GRIK4: variants seen among roughly 807,000 people sequenced by gnomAD.
GRIK4 encodes glutamate receptor ionotropic, kainate 4.
A neutral mutation model predicts 104.9 loss-of-function variants in GRIK4; 40 were observed. That is an observed-to-expected ratio of 0.38 (90% confidence interval 0.30 to 0.50). The LOEUF is 0.50. GRIK4 is among the 20% of genes least tolerant of loss of function. The pLI is 0.93. For synonymous variants in GRIK4, 485 were observed against 524.9 expected (o/e 0.92, Z 1.04); for missense variants, 1,047 against 1,308.1 (o/e 0.80, Z 3.08).
chr11:120,542,543 G>T (rs1053420342), intron 1 of GRIK4, among the ~76,000 whole-genome samples: 10 of 152,134 alleles, frequency 6.6e-5, no homozygotes, highest in African/African-American at 2.4e-4. Flanking sequence ...GAAAATATTT[G>T]CAAGCCATAT....
In GRIK4 at chr11:120,733,736, C is replaced by CT. The variant is rs1162073446; in HGVS notation, c.83-68938dup. On this transcript the variant is annotated intron_variant, in intron 3 of 20. Transcript: ENST00000527524. ...TTGGTTCATTGTTTAGTCTTTCTCC[C>CT]TTTTTTTTTTTTTTTTTTTGAGATG... Among the ~76,000 whole-genome samples, 656 of 145,032 alleles carry CT rather than the reference C, an allele frequency of 4.5e-3. 19 individuals carry two copies. The East Asian group carries it at 0.067, about 15-fold the overall frequency.
chr11:120,546,214 G>A (rs2252494), intron 1 of GRIK4, among the ~76,000 whole-genome samples: 44,463 of 152,052 alleles, frequency 0.29, 6,740 homozygotes, highest in Admixed American at 0.42. Flanking sequence ...CCCTTGCAGC[G>A]TTGGTGCTGC....
chr11:120,710,233 G>A (rs1422330161), intron 3 of GRIK4, among the ~76,000 whole-genome samples: 1 of 152,178 alleles, frequency 6.6e-6, no homozygotes, highest in East Asian at 1.9e-4. Context: ...GTACAGTAAG[G>A]AGATTGAACT....
intron 1 of GRIK4, among the ~76,000 whole-genome samples, chr11:120,598,008 G>C (rs1948828081): frequency 6.6e-6 from 1 of 152,172 alleles, no homozygotes; most frequent in South Asian, 2.1e-4. Context: ...TCCTCAGAGA[G>C]ATTAAAAACT....
At chr11:120,943,206 G>A (rs549376235) in intron 14 of GRIK4, among the ~76,000 whole-genome samples, 6 of 150,124 alleles carry the variant, frequency 4.0e-5, no homozygotes, top group South Asian at 2.1e-4. Flanking sequence ...ACACTGAAGC[G>A]CCAGGATGCC....
intron 8 of GRIK4, among the ~76,000 whole-genome samples, chr11:120,857,673 G>A (rs1291772294): frequency 6.6e-6 from 1 of 152,204 alleles, no homozygotes; most frequent in African/African-American, 2.4e-5. Flanking sequence ...CCTTCTGGAG[G>A]TGTGACAGGG....
chr11:120,711,004 G>GT (rs1555046793), intron 3 of GRIK4, among the ~76,000 whole-genome samples: 24 of 149,934 alleles, frequency 1.6e-4, no homozygotes, highest in African/African-American at 5.5e-4. Flanking sequence ...AGGTGGGGAG[G>GT]GGGTGTGAGC....
At chr11:120,839,946 A>G (rs530925186) in intron 8 of GRIK4, among the ~76,000 whole-genome samples, 3 of 152,350 alleles carry the variant, frequency 2.0e-5, no homozygotes, top group African/African-American at 7.2e-5. Context: ...TCTCTCTGTC[A>G]GGGTCCAGTC....
intron 3 of GRIK4, among the ~76,000 whole-genome samples, chr11:120,684,004 T>C (rs536241657): frequency 6.6e-6 from 1 of 152,186 alleles, no homozygotes; most frequent in Non-Finnish European, 1.5e-5. Context: ...CTGGCAAGAC[T>C]TTTTTTGTTT....
intron 4 of GRIK4, among the ~76,000 whole-genome samples, chr11:120,810,326 A>G (rs762687343): frequency 2.0e-5 from 3 of 152,216 alleles, no homozygotes; most frequent in Non-Finnish European, 4.4e-5. Context: ...TTCAGGAGAA[A>G]CTTTCCTTTC....
intron 3 of GRIK4, among the ~76,000 whole-genome samples, chr11:120,734,924 A>G (rs923844121): frequency 1.3e-5 from 2 of 152,158 alleles, no homozygotes; most frequent in African/African-American, 4.8e-5. Context: ...ATTCTTTTTA[A>G]TTATTTCAAT....
chr11:120,712,268 G>A (rs141522299), intron 3 of GRIK4, among the ~76,000 whole-genome samples: 105 of 152,302 alleles, frequency 6.9e-4, no homozygotes, highest in African/African-American at 2.5e-3. Flanking sequence ...GTGTGCTGGG[G>A]CGAGGGTTGG....
Position 120,902,218 on chromosome 11 carries a change from C to G in GRIK4, c.1273-3072C>G, listed in dbSNP as rs1164390703. 1.3e-5 allele frequency among the ~76,000 whole-genome samples: 2 copies of G among 152,108 alleles called. No individual in the cohort carries two copies. The highest frequency in any genetic ancestry group is 4.8e-5 in the African/African-American group (2 of 41,406). ...GCAAACATGGAATTGGCTGCCGCTC[C>G]CATTCCCTGAACACCTTTTCTGTAT... On this transcript the variant is annotated intron_variant, in intron 12 of 20. Transcript: ENST00000527524. This position sits in a 1 kb window ranked among gnomAD's most constrained non-coding sequence, Gnocchi z 4.5.
chr11:120,985,641 AAG>A (rs1491333949), intron 20 of GRIK4, among the ~76,000 whole-genome samples: 31,426 of 149,938 alleles, frequency 0.21, 3,146 homozygotes, highest in East Asian at 0.26. Context: ...AAAAAAAAAA[AAG>A]TGAGATCATT....
chr11:120,880,918 T>C (rs867767648), intron 11 of GRIK4, among the ~76,000 whole-genome samples: 2 of 152,222 alleles, frequency 1.3e-5, no homozygotes, highest in African/African-American at 4.8e-5. Context: ...GAATGTAAGA[T>C]TCATGAATCA....
chr11:120,759,971 C>T (rs1951718677), intron 3 of GRIK4, among the ~76,000 whole-genome samples: 1 of 152,004 alleles, frequency 6.6e-6, no homozygotes, highest in Non-Finnish European at 1.5e-5. Flanking sequence ...ATGACAAGAG[C>T]AGCTAAAATC....
At chr11:120,559,872 G>A (rs1459733718) in intron 1 of GRIK4, among the ~76,000 whole-genome samples, 1 of 152,136 alleles carries the variant, frequency 6.6e-6, no homozygotes, top group African/African-American at 2.4e-5. Context: ...CACCAGCAGC[G>A]AGAGGAGACA....
chr11:120,986,352 C>T lies in GRIK4; in HGVS notation c.*92C>T, dbSNP rs1944753578. On this transcript the variant is annotated 3_prime_UTR_variant, in exon 21 of 21. Transcript: ENST00000527524. ...TGTCAGCCGCCAGCCGGAACTTGTA[C>T]AGCGTCGACACCTCTCCAGATTTCG... The T allele has an allele frequency of 1.5e-6, 2 of 1,359,614 alleles. No individual in the cohort carries two copies. The highest frequency in any genetic ancestry group is 1.5e-5 in the African/African-American group (1 of 64,994). 84.2% of individuals were successfully genotyped at this position (1,359,614 alleles called of 1,614,324 possible).
At chr11:120,822,211 C>CAAAAAAAAAAAAAA (rs34732807) in intron 6 of GRIK4, among the ~76,000 whole-genome samples, 1 of 71,644 alleles carries the variant, frequency 1.4e-5, no homozygotes, top group Non-Finnish European at 2.7e-5. Context: ...AACCCTATCT[C>CAAAAAAAAAAAAAA]AAAAAAAAAA....
Sources: gnomAD v4.1 joint callset for allele counts (sites outside exome capture counted in the v4.1 genomes callset) on GRCh38, gnomAD v4.1.1 for gene constraint, Gnocchi (gnomAD v3.1) non-coding constraint, MANE v1.5 for transcripts, NCBI Gene and HGNC (gene_info 2026-07-23, HGNC 2026-07-21) for gene names.